Variants in KALRN observed in about 807,000 individuals in gnomAD.
KALRN encodes the protein kalirin RhoGEF kinase, also known as kalirin.
A neutral mutation model predicts 353.7 loss-of-function variants in KALRN; 70 were observed. The observed-to-expected ratio is 0.20, with a 90% confidence interval of 0.16 to 0.24. The LOEUF is 0.24. KALRN is among the 10% of genes least tolerant of loss of function. KALRN has a pLI of 1.00. For missense variants in KALRN, 2,791 were observed against 3,756.7 expected, an observed-to-expected ratio of 0.74 and a Z score of 6.72; for synonymous variants, 1,391 against 1,434.8, an observed-to-expected ratio of 0.97 and a Z score of 0.69.
At chr3:124,630,372 G>A (rs924903571) in intron 34 of KALRN, among the ~76,000 whole-genome samples, 2 of 145,178 alleles carry the variant, frequency 1.4e-5, no homozygotes, top group African/African-American at 5.0e-5. Flanking sequence ...GACATGAAAG[G>A]CCCAGTAGTG....
intron 50 of KALRN, 37 bp downstream of exon 50, chr3:124,678,350 C>T: frequency 1.2e-6 from 2 of 1,608,314 alleles, no homozygotes; most frequent in South Asian, 2.2e-5. Flanking sequence ...CCCCACCTGT[C>T]ATCCACTCCC....
intron 33 of KALRN, among the ~76,000 whole-genome samples, chr3:124,502,809 G>GA (rs1258141679): frequency 2.0e-5 from 3 of 152,194 alleles, no homozygotes; most frequent in East Asian, 3.9e-4. Flanking sequence ...CCACTGAAGA[G>GA]AAAACCAAAC....
chr3:124,533,146 T>A (rs1242932469), intron 33 of KALRN, among the ~76,000 whole-genome samples: 1 of 151,806 alleles, frequency 6.6e-6, no homozygotes, highest in Non-Finnish European at 1.5e-5. Context: ...CCCAACAGTT[T>A]GAGAGGCCAA....
In KALRN at chr3:124,490,902, G is replaced by T; in HGVS notation, c.4587+18G>T. On this transcript the variant is annotated intron_variant, in intron 30 of 59. Coordinates refer to ENST00000682506, the MANE Select transcript of KALRN (RefSeq NM_001388419.1). ...AGCTACTGGTAGGTGGGGCAGGTGG[G>T]GTAAGACAAGACTCCCTGCTTTCAT... 1.3e-6 allele frequency: 2 copies of T among 1,595,778 alleles called. No homozygotes were observed. Among genetic ancestry groups the T allele is most frequent in the South Asian group, 2.2e-5 (2 of 89,568 alleles).
chr3:124,441,521 C>A (rs769136116), intron 18 of KALRN, among the ~76,000 whole-genome samples: 1 of 152,180 alleles, frequency 6.6e-6, no homozygotes, highest in Non-Finnish European at 1.5e-5. Flanking sequence ...AGTTCTTGAG[C>A]CTCCTAAAAA....
intron 10 of KALRN, among the ~76,000 whole-genome samples, chr3:124,378,475 T>G (rs1301805468): frequency 6.6e-6 from 1 of 151,928 alleles, no homozygotes; most frequent in Admixed American, 6.5e-5. Context: ...TATTTACCCT[T>G]GTAGTATTTC....
At chr3:124,560,989 T>G (rs2071932422) in intron 33 of KALRN, among the ~76,000 whole-genome samples, 1 of 152,222 alleles carries the variant, frequency 6.6e-6, no homozygotes, top group Non-Finnish European at 1.5e-5. Flanking sequence ...TTATTAGCTC[T>G]CCACATGATT....
Position 124,699,931 on chromosome 3 carries a change from C to T in KALRN, c.7894C>T (p.Leu2632Phe). The change falls in exon 56 of 60, where the codon CTT (leucine) becomes TTT (phenylalanine). Residue 2632 changes from leucine (L) to phenylalanine (F), a missense_variant. Physicochemically the swap from Leu to Phe is conservative, Grantham distance 22. Coordinates refer to ENST00000682506, the MANE Select transcript of KALRN (RefSeq NM_001388419.1). ...TLDTYLVIEDLSPGCPYQFRV... is the reference protein window; with the variant it reads ...TLDTYLVIEDFSPGCPYQFRV... ...GGACACTTACCTCGTCATCGAAGAC[C>T]TTAGTCCCGGGTGTCCTTATCAGTT... The T allele has an allele frequency of 6.2e-7, 1 of 1,614,154 alleles. No homozygotes were observed. The highest frequency in any genetic ancestry group is 8.5e-7 in the Non-Finnish European group (1 of 1,180,012).
chr3:124,642,806 G>GTTGTTGTTTTTTTTTTTTTTTTT (rs796628603), intron 37 of KALRN, among the ~76,000 whole-genome samples: 2 of 96,840 alleles, frequency 2.1e-5, no homozygotes, highest in East Asian at 4.7e-4. Context: ...CCCAAGCCTC[G>GTTGTTGTTTTTTTTTTTTTTTTT]TTTTTTTTTT....
chr3:124,519,432 T>C (rs948412215), intron 33 of KALRN: 17 of 985,428 alleles, frequency 1.7e-5, no homozygotes, highest in Non-Finnish European at 1.9e-5. Flanking sequence ...GCAGAGATGA[T>C]GATTCCATTT....
rs2062229354 is a variant in KALRN at position 124,699,745 on chromosome 3, C to G, written c.7832-124C>G. 3.4e-6 allele frequency: 3 copies of G among 894,528 alleles called. No homozygotes were observed. The East Asian group carries it at 7.5e-5, about 22-fold the overall frequency. The allele number at this position is 894,528 out of a possible 1,614,324, so 55.4% of individuals were successfully genotyped here. ...TAGCCTACAGGCTTTCAGAGCCTGA[C>G]ACGGTAACCACAAGCATCCCTTGAA... On this transcript the variant is annotated intron_variant, in intron 55 of 59. Coordinates refer to ENST00000682506, the MANE Select transcript of KALRN (RefSeq NM_001388419.1).
chr3:124,248,612 C>T (rs934608088), intron 3 of KALRN, among the ~76,000 whole-genome samples: 12 of 152,208 alleles, frequency 7.9e-5, no homozygotes, highest in Admixed American at 5.2e-4. Flanking sequence ...GAATGTTTTT[C>T]GGATAATTTA....
At chr3:124,064,712 GAC>G (rs2149232915) in intron 1 of KALRN, among the ~76,000 whole-genome samples, 1 of 152,304 alleles carries the variant, frequency 6.6e-6, no homozygotes, top group East Asian at 1.9e-4. Context: ...TGTCTTTTAG[GAC>G]AGCTTTTTGG....
chr3:124,625,248 A>G (rs2079806481), intron 34 of KALRN, among the ~76,000 whole-genome samples: 1 of 152,188 alleles, frequency 6.6e-6, no homozygotes, highest in Non-Finnish European at 1.5e-5. Flanking sequence ...AACAGTGCCC[A>G]GTGGTGGAGC....
chr3:124,279,648 G>A (rs1459020877), intron 5 of KALRN, among the ~76,000 whole-genome samples: 2 of 152,230 alleles, frequency 1.3e-5, no homozygotes, highest in Non-Finnish European at 2.9e-5. Context: ...GGGAGAAAAG[G>A]AAATGGAAGC....
intron 32 of KALRN, among the ~76,000 whole-genome samples, chr3:124,495,875 A>G (rs971928786): frequency 6.9e-6 from 1 of 145,044 alleles, no homozygotes; most frequent in Admixed American, 6.9e-5. Flanking sequence ...TGACCTAATC[A>G]CCTGGATAGA....
chr3:124,382,117 C>T (rs1256703539), intron 10 of KALRN, among the ~76,000 whole-genome samples: 1 of 152,114 alleles, frequency 6.6e-6, no homozygotes, highest in Non-Finnish European at 1.5e-5. Context: ...ATTCTTTGTA[C>T]CTCAGTTTCT....
intron 1 of KALRN, among the ~76,000 whole-genome samples, chr3:124,078,115 T>C (rs1308123081): frequency 1.3e-5 from 2 of 152,202 alleles, no homozygotes; most frequent in Non-Finnish European, 2.9e-5. Flanking sequence ...TTGAACTACT[T>C]GGTGATCTCT....
chr3:124,192,544 C>T lies in KALRN; in HGVS notation c.74-35446C>T, dbSNP rs192113372. 6.8e-4 allele frequency among the ~76,000 whole-genome samples: 104 copies of T among 152,178 alleles called. 1 individual carries two copies. The highest frequency in any genetic ancestry group is 2.4e-3 in the African/African-American group (98 of 41,528). ...GAATATAATTGAATTATTTGTAACT[C>T]GAAGGATAAATGCTTGAGAGGATGG... On this transcript the variant is annotated intron_variant, in intron 1 of 59. Transcript: ENST00000682506.
Sources: gnomAD v4.1 joint callset for allele counts (sites outside exome capture counted in the v4.1 genomes callset) on GRCh38, gnomAD v4.1.1 for gene constraint, MANE v1.5 for transcripts, NCBI Gene and HGNC (gene_info 2026-07-23, HGNC 2026-07-21) for gene names.